SCUBE1: variants seen among roughly 807,000 people sequenced by gnomAD.
The protein encoded by SCUBE1 is signal peptide, CUB domain and EGF like domain containing 1, also known as signal peptide, CUB and EGF-like domain-containing protein 1.
SCUBE1 carries 59 observed loss-of-function variants against 124.4 expected under a neutral mutation model. The ratio of observed to expected loss-of-function variants is 0.47; its 90% CI spans 0.38 to 0.59. SCUBE1 has a LOEUF of 0.59. Ranked by LOEUF, SCUBE1 falls within the 20% of genes least tolerant of loss-of-function variation. The pLI, the probability that SCUBE1 is intolerant of heterozygous loss-of-function variation, is 0.00. For synonymous variants in SCUBE1, 545 were observed against 550.9 expected (o/e 0.99, Z 0.15); for missense variants, 1,150 against 1,371.2 (o/e 0.84, Z 2.55).
chr22:43,267,676 G>A (rs182478586), intron 4 of SCUBE1, among the ~76,000 whole-genome samples: 1 of 152,204 alleles, frequency 6.6e-6, no homozygotes, highest in Non-Finnish European at 1.5e-5. Context: ...AGCGACCAGG[G>A]TGGCAGGCTG....
At chr22:43,250,135 A>G (rs889085952) in intron 6 of SCUBE1, among the ~76,000 whole-genome samples, 1 of 152,254 alleles carries the variant, frequency 6.6e-6, no homozygotes, top group Non-Finnish European at 1.5e-5. Context: ...AAGTTAAAAA[A>G]TTCGCCTGAG....
chr22:43,341,728 G>T (rs569687137), intron 1 of SCUBE1, among the ~76,000 whole-genome samples: 1 of 152,290 alleles, frequency 6.6e-6, no homozygotes, highest in East Asian at 1.9e-4. Context: ...GTCTGGGCTG[G>T]AGACTCCCCT....
At chr22:43,306,251 T>C (rs1925965451) in intron 3 of SCUBE1, among the ~76,000 whole-genome samples, 1 of 152,222 alleles carries the variant, frequency 6.6e-6, no homozygotes, top group Non-Finnish European at 1.5e-5. Context: ...TGGGGGCATA[T>C]GTTTTGCTGG....
chr22:43,293,341 C>T (rs897643226), intron 3 of SCUBE1, among the ~76,000 whole-genome samples: 8 of 152,248 alleles, frequency 5.3e-5, no homozygotes, highest in African/African-American at 9.6e-5. Flanking sequence ...ACGGAGGCTC[C>T]GGGAGCTGGA....
intron 21 of SCUBE1, 90 bp from the exon 22 acceptor site, chr22:43,204,239 C>G (rs185722004): frequency 2.7e-5 from 32 of 1,173,272 alleles, no homozygotes; most frequent in Non-Finnish European, 4.0e-5. Context: ...GAGAGAGATG[C>G]GCTGGCTGGT....
At chr22:43,209,326 C>A (rs1165609934) in intron 19 of SCUBE1, among the ~76,000 whole-genome samples, 2 of 152,184 alleles carry the variant, frequency 1.3e-5, no homozygotes, top group Non-Finnish European at 1.5e-5. Flanking sequence ...ACATGGAGCT[C>A]GCTCACATGG....
intron 14 of SCUBE1, among the ~76,000 whole-genome samples, chr22:43,219,810 C>T (rs1382083341): frequency 1.3e-5 from 2 of 152,088 alleles, no homozygotes; most frequent in Non-Finnish European, 2.9e-5. Flanking sequence ...CCGTGGGGGG[C>T]AGACCTCAGT....
rs564155798 is a variant in SCUBE1, at chr22:43,223,175, C to T, written c.1249G>A (p.Ala417Thr). Residue 417 changes from alanine (A) to threonine (T), a missense_variant, in exon 11 of 22, where the codon GCC becomes ACC. By Grantham distance (58) the Ala-to-Thr change is moderately conservative. This residue lies in a region of SCUBE1 where 757 missense variants were observed against 840.9 expected (regional missense o/e 0.90). Coordinates refer to ENST00000360835, the MANE Select transcript of SCUBE1 (RefSeq NM_173050.5). ...CCTGCCTTGCTGCAGGACAGCTGGGCCCGGGGGGAGGTCTTGGCGCGAGAA... is the reference window on the plus strand; with the variant it reads ...CCTGCCTTGCTGCAGGACAGCTGGGTCCGGGGGGAGGTCTTGGCGCGAGAA... ...CLSRAKTSPR[A>T]QLSCSKAGGV... 81 of 1,568,978 alleles carry T rather than the reference C, an allele frequency of 5.2e-5. No homozygotes were observed. Among genetic ancestry groups the T allele is most frequent in the Admixed American group, 4.9e-4 (23 of 46,658 alleles).
At chr22:43,236,402 T>C (rs73886458) in intron 7 of SCUBE1, among the ~76,000 whole-genome samples, 1,862 of 152,366 alleles carry the variant, frequency 0.012, 38 homozygotes, top group African/African-American at 0.042. Flanking sequence ...CTGCCAGTCC[T>C]GCCTTGGCAC....
Position 43,241,398 on chromosome 22 carries a change from C to T in SCUBE1, c.728-2444G>A, listed in dbSNP as rs139022. Among the ~76,000 whole-genome samples the T allele has an allele frequency of 1.3e-3, 192 of 152,164 alleles. 1 individual carries two copies. Among genetic ancestry groups the T allele is most frequent in the Admixed American group, 0.011 (167 of 15,296 alleles). ...CCTCTTCCCTGAAGAGGATCCGGTA[C>T]GGAGCATCAGAAACTCGGCCCAAGG... On this transcript the variant is annotated intron_variant, in intron 6 of 21. Transcript: ENST00000360835.
At chr22:43,318,941 T>C (rs1926445140) in intron 3 of SCUBE1, among the ~76,000 whole-genome samples, 1 of 152,142 alleles carries the variant, frequency 6.6e-6, no homozygotes, top group Non-Finnish European at 1.5e-5. Flanking sequence ...AGGCTGGTCT[T>C]GAACTTCGGA....
At chr22:43,325,444 T>TAAAAA (rs35598383) in intron 2 of SCUBE1, among the ~76,000 whole-genome samples, 2 of 89,490 alleles carry the variant, frequency 2.2e-5, no homozygotes, top group African/African-American at 5.0e-5. Flanking sequence ...ACTCCGTCTT[T>TAAAAA]AAAAAAAAAA....
intron 15 of SCUBE1, among the ~76,000 whole-genome samples, chr22:43,215,567 G>A (rs1205888901): frequency 6.6e-6 from 1 of 152,242 alleles, no homozygotes; most frequent in Non-Finnish European, 1.5e-5. Context: ...CGGGCTGGGG[G>A]TATCCTGTGC....
chr22:43,284,163 A>G (rs551982386), intron 4 of SCUBE1, among the ~76,000 whole-genome samples: 1 of 152,380 alleles, frequency 6.6e-6, no homozygotes, highest in Non-Finnish European at 1.5e-5. Context: ...GTGTCGAAAG[A>G]AAAGCGTTTG....
Position 43,343,296 on chromosome 22 carries a change from CG to C in SCUBE1, c.-36del, listed in dbSNP as rs1281444108. On this transcript the variant is annotated 5_prime_UTR_variant, in exon 1 of 22. Coordinates refer to ENST00000360835, the MANE Select transcript of SCUBE1 (RefSeq NM_173050.5). ...GGGCCCCGCTGGGCGTGCGGGCGTG[CG>C]GGGCGCGGGGACCCGACCGACCGGC... is the stretch of plus-strand genomic sequence containing the variant. 1 of 1,034,936 alleles carries C rather than the reference CG, an allele frequency of 9.7e-7. No homozygotes were observed. Among genetic ancestry groups the C allele is most frequent in the Non-Finnish European group, 1.2e-6 (1 of 851,938 alleles). The allele number at this position is 1,034,936 out of a possible 1,614,324, so 64.1% of individuals were successfully genotyped here.
chr22:43,227,943 C>T (rs1922392946), intron 9 of SCUBE1, among the ~76,000 whole-genome samples: 1 of 152,194 alleles, frequency 6.6e-6, no homozygotes. Flanking sequence ...GGCCTTTCCT[C>T]CTCTGACCAA....
At position 43,339,159 on chromosome 22, in the gene SCUBE1, C is replaced by A; in HGVS notation, c.165G>T (p.Lys55Asn). Residue 55 changes from lysine to asparagine, a missense_variant, in exon 2 of 22, where the codon AAG (lysine) becomes AAT (asparagine). Around this residue, in one of 3 missense-constraint regions of SCUBE1, gnomAD observed 337 missense variants for 482.1 expected, o/e 0.70. Coordinates refer to ENST00000360835, the MANE Select transcript of SCUBE1 (RefSeq NM_173050.5). ...CTGGCTTGCAGAGGCATTTGTAGGA[C>A]TTGGGCGTGTTCTGACAGATGGCAT... ...HIDAICQNTP[K>N]SYKCLCKPGY... is the part of the protein sequence containing the mutation. 1 of 1,613,932 alleles carries A rather than the reference C, an allele frequency of 6.2e-7. No homozygotes were observed. The highest frequency in any genetic ancestry group is 8.5e-7 in the Non-Finnish European group (1 of 1,179,840).
chr22:43,330,378 A>G (rs945710913), intron 2 of SCUBE1, among the ~76,000 whole-genome samples: 10 of 152,228 alleles, frequency 6.6e-5, no homozygotes, highest in Non-Finnish European at 4.4e-5. Flanking sequence ...CACCTCCTCT[A>G]AGAAGCCCTC....
At position 43,202,138 on chromosome 22, in the gene SCUBE1, C is replaced by T. The variant is rs898766769; in HGVS notation, c.*1859G>A. 2.6e-5 allele frequency: 4 copies of T among 152,272 alleles called. No homozygotes were observed. The highest frequency in any genetic ancestry group is 9.6e-5 in the African/African-American group (4 of 41,466). The allele number at this position is 152,272 out of a possible 1,614,324, so 9.4% of individuals were successfully genotyped here. A position where few individuals can be genotyped will look rare whatever the true frequency, so the allele number is the denominator to read the frequency against. On this transcript the variant is annotated 3_prime_UTR_variant, in exon 22 of 22. Transcript: ENST00000360835. Reference sequence around the variant, plus strand: ...ACGCCGCGGAGCCCGCTACTGTGGGCACATGTGACGGCGTGAGTAATTGCT... The same window carrying T: ...ACGCCGCGGAGCCCGCTACTGTGGGTACATGTGACGGCGTGAGTAATTGCT...
Sources: gnomAD v4.1 joint callset for allele counts (sites outside exome capture counted in the v4.1 genomes callset) on GRCh38, gnomAD v4.1.1 for gene constraint, gnomAD v4.1.1 regional missense constraint, MANE v1.5 for transcripts, NCBI Gene and HGNC (gene_info 2026-07-23, HGNC 2026-07-21) for gene names.